Variants in ST6GALNAC3 observed in about 807,000 individuals in gnomAD.
ST6GALNAC3 encodes ST6 N-acetylgalactosaminide alpha-2,6-sialyltransferase 3.
Under a neutral mutation model 32.7 loss-of-function variants are expected in ST6GALNAC3, and 25 were observed. The ratio of observed to expected loss-of-function variants is 0.76; its 90% CI spans 0.56 to 1.07. The LOEUF is 1.07. Among genes scored for constraint, ST6GALNAC3 ranks in the 50% least tolerant of loss-of-function variants. The probability of loss-of-function intolerance (pLI) is 0.00; values close to 1 mark genes in which losing one functional copy is unlikely to be tolerated. For synonymous variants in ST6GALNAC3, 129 were observed against 133.1 expected, an observed-to-expected ratio of 0.97 and a Z score of 0.21; for missense variants, 355 against 382.4, an observed-to-expected ratio of 0.93 and a Z score of 0.60.
At chr1:76,360,102 G>GA (rs1442835852) in intron 2 of ST6GALNAC3, among the ~76,000 whole-genome samples, 3 of 152,090 alleles carry the variant, frequency 2.0e-5, no homozygotes, top group Non-Finnish European at 4.4e-5. Flanking sequence ...TTATTTATCT[G>GA]AATAACTGTA....
At chr1:76,183,851 A>AATATATATAT (rs71071991) in intron 1 of ST6GALNAC3, among the ~76,000 whole-genome samples, 9,317 of 117,238 alleles carry the variant, frequency 0.079, 650 homozygotes, top group Non-Finnish European at 0.11. Flanking sequence ...GTAGTGCATG[A>AATATATATAT]ATATATATAT....
chr1:76,456,151 G>A (rs766749151), intron 3 of ST6GALNAC3, among the ~76,000 whole-genome samples: 10 of 152,084 alleles, frequency 6.6e-5, no homozygotes, highest in South Asian at 2.1e-4. Flanking sequence ...CAGACTGGGC[G>A]ACAGAGTGAA....
chr1:76,086,340 A>G (rs1451873660), intron 1 of ST6GALNAC3, among the ~76,000 whole-genome samples: 2 of 152,220 alleles, frequency 1.3e-5, no homozygotes, highest in East Asian at 3.8e-4. Flanking sequence ...GGGAAATCGA[A>G]GACTGGTGAA....
chr1:76,312,458 A>T lies in ST6GALNAC3; in HGVS notation c.19-1347A>T, dbSNP rs541755597. Among the ~76,000 whole-genome samples the T allele has an allele frequency of 2.6e-5, 4 of 152,320 alleles. No individual in the cohort carries two copies. The South Asian group carries it at 6.2e-4, about 24-fold the overall frequency. The stretch of plus-strand genomic sequence containing the variant: ...TTAAACTAAAGAGCTTCTGCACAGC[A>T]AAAGAAACTACCATCAGAGTGAATA... On this transcript the variant is annotated intron_variant, in intron 1 of 4. Coordinates refer to ENST00000328299, the MANE Select transcript of ST6GALNAC3 (RefSeq NM_152996.4).
At chr1:76,591,338 CT>C (rs898095900) in intron 3 of ST6GALNAC3, among the ~76,000 whole-genome samples, 3 of 152,058 alleles carry the variant, frequency 2.0e-5, no homozygotes, top group Non-Finnish European at 4.4e-5. Flanking sequence ...TTATGTTTAT[CT>C]TTTATTTTCA....
At chr1:76,527,259 G>A (rs942418746) in intron 3 of ST6GALNAC3, among the ~76,000 whole-genome samples, 3 of 152,058 alleles carry the variant, frequency 2.0e-5, no homozygotes, top group African/African-American at 7.2e-5. Context: ...TACTTTTATT[G>A]TGAGAGAATG....
intron 3 of ST6GALNAC3, among the ~76,000 whole-genome samples, chr1:76,605,206 A>G (rs1647446001): frequency 6.6e-6 from 1 of 152,198 alleles, no homozygotes; most frequent in South Asian, 2.1e-4. Context: ...AGTGACCATC[A>G]GATGTTGATA....
chr1:76,263,864 T>C (rs553239852), intron 1 of ST6GALNAC3, among the ~76,000 whole-genome samples: 1 of 152,280 alleles, frequency 6.6e-6, no homozygotes, highest in South Asian at 2.1e-4. Flanking sequence ...GTTGATGAGC[T>C]TTCGTTTCTG....
chr1:76,494,898 G>A (rs1660758883), intron 3 of ST6GALNAC3, among the ~76,000 whole-genome samples: 1 of 152,038 alleles, frequency 6.6e-6, no homozygotes, highest in Admixed American at 6.6e-5. Flanking sequence ...TTGAAGGCTG[G>A]CAGGCTTGAG....
At chr1:76,101,755 G>A (rs1251976677) in intron 1 of ST6GALNAC3, among the ~76,000 whole-genome samples, 1 of 152,118 alleles carries the variant, frequency 6.6e-6, no homozygotes, top group Non-Finnish European at 1.5e-5. Context: ...TTATCATTCA[G>A]TTAAGAGCAG....
Position 76,629,689 on chromosome 1 carries a change from C to A in ST6GALNAC3, c.*883C>A. ...GTAACCAAAGGGTTTGCTAACTCTG[C>A]TTCAACATCCAACAACACAAAACTA... On this transcript the variant is annotated 3_prime_UTR_variant, in exon 5 of 5. Coordinates refer to ENST00000328299, the MANE Select transcript of ST6GALNAC3 (RefSeq NM_152996.4). 2.0e-6 allele frequency: 2 copies of A among 985,408 alleles called. No individual in the cohort carries two copies. The highest frequency in any genetic ancestry group is 2.4e-6 in the Non-Finnish European group (2 of 829,622). The allele number at this position is 985,408 out of a possible 1,614,324, so 61.0% of individuals were successfully genotyped here.
At chr1:76,598,916 CTAAT>C (rs1405919911) in intron 3 of ST6GALNAC3, among the ~76,000 whole-genome samples, 1 of 152,122 alleles carries the variant, frequency 6.6e-6, no homozygotes, top group African/African-American at 2.4e-5. Flanking sequence ...ACATGTCTAA[CTAAT>C]TCTCACTGCA....
intron 1 of ST6GALNAC3, among the ~76,000 whole-genome samples, chr1:76,232,407 C>T (rs147113677): frequency 4.9e-4 from 75 of 151,738 alleles, no homozygotes; most frequent in African/African-American, 1.8e-3. Flanking sequence ...CTGCTGGGTC[C>T]AGATGGGCAA....
chr1:76,102,196 C>T (rs1647252203), intron 1 of ST6GALNAC3, among the ~76,000 whole-genome samples: 1 of 151,402 alleles, frequency 6.6e-6, no homozygotes. Context: ...TTAATAAAAC[C>T]ACACCAGCTT....
chr1:76,538,673 G>A (rs315071), intron 3 of ST6GALNAC3, among the ~76,000 whole-genome samples: 135,690 of 152,230 alleles, frequency 0.89, 60,688 homozygotes, highest in African/African-American at 0.97. Flanking sequence ...TCAGCAGTCT[G>A]AGGATACAGA....
chr1:76,139,590 TA>T (rs1650189161), intron 1 of ST6GALNAC3, among the ~76,000 whole-genome samples: 1 of 152,202 alleles, frequency 6.6e-6, no homozygotes, highest in Non-Finnish European at 1.5e-5. Context: ...CTGGGTGACA[TA>T]GATTCTCAGA....
intron 2 of ST6GALNAC3, among the ~76,000 whole-genome samples, chr1:76,401,627 T>A (rs970566291): frequency 6.6e-6 from 1 of 152,216 alleles, no homozygotes; most frequent in Non-Finnish European, 1.5e-5. Flanking sequence ...GATGATATTA[T>A]CTTCCTCCAG....
At chr1:76,229,190 C>A (rs1656230198) in intron 1 of ST6GALNAC3, among the ~76,000 whole-genome samples, 3 of 152,166 alleles carry the variant, frequency 2.0e-5, no homozygotes, top group African/African-American at 7.2e-5. Flanking sequence ...ATGAGTTAGA[C>A]TTGTAACAAG....
intron 1 of ST6GALNAC3, among the ~76,000 whole-genome samples, chr1:76,118,813 C>T (rs1648660466): frequency 6.6e-6 from 1 of 152,022 alleles, no homozygotes; most frequent in Non-Finnish European, 1.5e-5. Flanking sequence ...AAGTATCTTC[C>T]CTTGCTTGAT....
Sources: gnomAD v4.1 joint callset for allele counts (sites outside exome capture counted in the v4.1 genomes callset) on GRCh38, gnomAD v4.1.1 for gene constraint, MANE v1.5 for transcripts, NCBI Gene and HGNC (gene_info 2026-07-23, HGNC 2026-07-21) for gene names.